Variants in SPATA22 observed in about 807,000 individuals in gnomAD.
SPATA22 encodes the protein spermatogenesis associated 22.
A neutral mutation model predicts 47.8 loss-of-function variants in SPATA22; 29 were observed. The ratio of observed to expected loss-of-function variants is 0.61; its 90% confidence interval spans 0.45 to 0.83. The LOEUF is 0.83. SPATA22 is among the 40% of genes least tolerant of loss of function. The probability of loss-of-function intolerance (pLI) is 0.00; values close to 1 mark genes in which losing one functional copy is unlikely to be tolerated. For synonymous variants in SPATA22, 133 were observed against 140.9 expected, an observed-to-expected ratio of 0.94 and a Z score of 0.40; for missense variants, 410 against 421.7, an observed-to-expected ratio of 0.97 and a Z score of 0.24.
intron 1 of SPATA22, among the ~76,000 whole-genome samples, chr17:3,482,982 G>A (rs970267243): frequency 1.2e-4 from 15 of 129,178 alleles, no homozygotes; most frequent in South Asian, 2.5e-4. Flanking sequence ...AAGAGAGAGC[G>A]GAATGCTTTG....
chr17:3,499,362 C>G (rs1007193943), intron 1 of SPATA22: 1 of 267,372 alleles, frequency 3.7e-6, no homozygotes, highest in African/African-American at 2.2e-5. Flanking sequence ...AATAAACAGC[C>G]TTTGTATTCA....
At chr17:3,458,957 T>C (rs1009690489) in intron 5 of SPATA22, among the ~76,000 whole-genome samples, 2 of 151,080 alleles carry the variant, frequency 1.3e-5, no homozygotes, top group South Asian at 2.1e-4. Flanking sequence ...CGGAATACTA[T>C]TCAGACATTA....
Position 3,467,564 on chromosome 17 carries a change from A to G in SPATA22, c.44-10T>C. 1.3e-6 allele frequency: 2 copies of G among 1,599,520 alleles called. No individual in the cohort carries two copies. Among genetic ancestry groups the G allele is most frequent in the African/African-American group, 1.3e-5 (1 of 74,704 alleles). ...GGAACAGGCAAACAGCCTAAATTGAATGTACCAATAAATTAGTACATAATA... is the reference window on the plus strand; with the variant it reads ...GGAACAGGCAAACAGCCTAAATTGAGTGTACCAATAAATTAGTACATAATA... On this transcript the variant is annotated splice_polypyrimidine_tract_variant and intron_variant, in intron 2 of 8. Transcript: ENST00000572969.
At chr17:3,479,651 G>A (rs903541167) in intron 1 of SPATA22, among the ~76,000 whole-genome samples, 4 of 151,618 alleles carry the variant, frequency 2.6e-5, no homozygotes, top group Non-Finnish European at 4.4e-5. Flanking sequence ...CCGACTCGAC[G>A]TGGTCCCTTC....
At chr17:3,489,155 T>A in intron 1 of SPATA22, 1 of 872,286 alleles carries the variant, frequency 1.1e-6, no homozygotes, top group East Asian at 2.7e-5. Context: ...TAATTCTAAA[T>A]CTTGATACAT....
At chr17:3,440,468 C>T in intron 8 of SPATA22, 130 bp from the exon 9 acceptor site, 5 of 672,666 alleles carry the variant, frequency 7.4e-6, no homozygotes, top group Non-Finnish European at 1.2e-5. Flanking sequence ...TGAGTCAGGG[C>T]CCCACTGCTA....
intron 7 of SPATA22, 113 bp downstream of exon 7, chr17:3,446,359 T>A: frequency 9.8e-7 from 1 of 1,018,412 alleles, no homozygotes; most frequent in Admixed American, 3.1e-5. Context: ...TGAATACACT[T>A]TAGGGAGTAG....
rs184792315 is a variant in SPATA22 at position 3,463,601 on chromosome 17, A to C, written c.173-834T>G. Among the ~76,000 whole-genome samples the C allele has an allele frequency of 4.7e-3, 713 of 152,298 alleles. 5 individuals carry two copies. The highest frequency in any genetic ancestry group is 0.016 in the African/African-American group (661 of 41,572). The stretch of plus-strand genomic sequence containing the variant: ...AAGTGGTGAGTGAATACGAAGGCCT[A>C]GGACATTACTGTATACACTACTGTA... On this transcript the variant is annotated intron_variant, in intron 3 of 8. Coordinates refer to ENST00000572969, the MANE Select transcript of SPATA22 (RefSeq NM_001170698.2).
At chr17:3,463,932 TCCC>T in intron 3 of SPATA22, among the ~76,000 whole-genome samples, 1 of 88,130 alleles carries the variant, frequency 1.1e-5, no homozygotes, top group African/African-American at 4.4e-5. Flanking sequence ...CCTCTCCCTC[TCCC>T]TCTCCCTCTC....
chr17:3,456,231 AC>A (rs1186259617), intron 5 of SPATA22, among the ~76,000 whole-genome samples: 8 of 151,812 alleles, frequency 5.3e-5, no homozygotes, highest in Non-Finnish European at 1.0e-4. Flanking sequence ...GACACAAAAA[AC>A]CCTTCAAAAA....
At chr17:3,463,661 A>T (rs997899475) in intron 3 of SPATA22, among the ~76,000 whole-genome samples, 2 of 72,318 alleles carry the variant, frequency 2.8e-5, no homozygotes, top group Non-Finnish European at 1.1e-4. Flanking sequence ...CTACATTTAT[A>T]AAAAAAAATA....
Position 3,448,198 on chromosome 17 carries a change from A to C in SPATA22, c.672+609T>G, listed in dbSNP as rs199932644. 1.4e-4 allele frequency among the ~76,000 whole-genome samples: 22 copies of C among 152,366 alleles called. No homozygotes were observed. The East Asian group carries it at 4.2e-3, about 29-fold the overall frequency. On this transcript the variant is annotated intron_variant, in intron 6 of 8. Coordinates refer to ENST00000572969, the MANE Select transcript of SPATA22 (RefSeq NM_001170698.2). The stretch of plus-strand genomic sequence containing the variant: ...AGTAGACTATGAAATATGAGGCTAC[A>C]AAGGTAGACTAGGACAAGATCATAA...
At chr17:3,476,113 G>T (rs780801724), upstream of SPATA22, 11 of 1,549,952 alleles carry the variant, frequency 7.1e-6, no homozygotes, top group African/African-American at 1.4e-5. Context: ...AATTTCCTTT[G>T]ATCTCTCTTC....
intron 7 of SPATA22, among the ~76,000 whole-genome samples, chr17:3,444,328 T>C (rs2072668397): frequency 6.6e-6 from 1 of 152,038 alleles, no homozygotes; most frequent in Non-Finnish European, 1.5e-5. Context: ...CTTAATCCAA[T>C]CAGCATATTT....
intron 1 of SPATA22, chr17:3,502,287 T>C (rs1240004717): frequency 1.3e-5 from 2 of 152,256 alleles, no homozygotes; most frequent in Non-Finnish European, 2.9e-5. Flanking sequence ...ATACTACATA[T>C]AGTGTGAGCA....
chr17:3,472,287 G>A (rs2073453842), upstream of SPATA22: 1 of 152,560 alleles, frequency 6.6e-6, no homozygotes, highest in South Asian at 2.1e-4. Context: ...TGGCGGCCAT[G>A]GAAGGCGGAG....
intron 7 of SPATA22, among the ~76,000 whole-genome samples, chr17:3,445,345 G>A (rs1289988058): frequency 6.6e-6 from 1 of 152,120 alleles, no homozygotes; most frequent in Non-Finnish European, 1.5e-5. Context: ...ATGCCAACCA[G>A]CTAAGAGATA....
intron 1 of SPATA22, chr17:3,489,247 G>A: frequency 6.2e-7 from 1 of 1,610,980 alleles, no homozygotes; most frequent in South Asian, 1.1e-5. Flanking sequence ...ATAGAAGTTG[G>A]TCCTCAGCCT....
In SPATA22 at chr17:3,467,466, A is replaced by G. The variant is rs766501406; in HGVS notation, c.132T>C (p.Ser44=). The change falls in exon 3 of 9, where the codon AGT becomes AGC. Residue 44 remains serine, a synonymous_variant. Transcript: ENST00000572969. ...SNPLKDDSGI[S]TPSDNYDFPP... ...GAAAATCATAATTGTCAGAAGGGGTACTGATACCTGAATCATCTTTAAGTG... is the reference window on the plus strand; with the variant it reads ...GAAAATCATAATTGTCAGAAGGGGTGCTGATACCTGAATCATCTTTAAGTG... 3.7e-6 allele frequency: 6 copies of G among 1,608,750 alleles called. No homozygotes were observed. The Admixed American group carries it at 8.4e-5, about 22-fold the overall frequency.
Sources: allele counts gnomAD v4.1 joint callset (sites outside exome capture counted in the v4.1 genomes callset), GRCh38; gene constraint gnomAD v4.1.1; transcripts MANE v1.5; gene names NCBI Gene and HGNC (gene_info 2026-07-23, HGNC 2026-07-21).